The following LRRTM4 variants were observed in gnomAD, a reference collection of about 807,000 sequenced individuals.
The protein encoded by LRRTM4 is leucine rich repeat transmembrane neuronal 4.
LRRTM4 carries 25 observed loss-of-function variants against 47.6 expected under a neutral mutation model. That is an observed-to-expected ratio of 0.53 (90% CI 0.38 to 0.73). The LOEUF (loss-of-function observed/expected upper bound fraction) is 0.73, where lower values mean the gene tolerates loss of function less well. Ranked by LOEUF, LRRTM4 falls within the 30% of genes least tolerant of loss-of-function variation. The probability of loss-of-function intolerance (pLI) is 0.00; values close to 1 mark genes in which losing one functional copy is unlikely to be tolerated. For synonymous variants in LRRTM4, 311 were observed against 269.5 expected (o/e 1.15, Z -1.51); for missense variants, 638 against 713.4 (o/e 0.89, Z 1.20).
chr2:77,443,815 A>T (rs1283306806), intron 3 of LRRTM4, among the ~76,000 whole-genome samples: 3 of 152,170 alleles, frequency 2.0e-5, no homozygotes, highest in Non-Finnish European at 2.9e-5. Context: ...TTAGTTTCTA[A>T]GTTAAATGTT....
chr2:77,232,179 C>T (rs1031791115), intron 3 of LRRTM4, among the ~76,000 whole-genome samples: 22 of 152,296 alleles, frequency 1.4e-4, no homozygotes, highest in African/African-American at 5.3e-4. Context: ...GTCAAATCTA[C>T]TCTGCCTGTG....
chr2:77,302,276 A>G (rs528652527), intron 3 of LRRTM4, among the ~76,000 whole-genome samples: 1 of 152,374 alleles, frequency 6.6e-6, no homozygotes, highest in South Asian at 2.1e-4. Context: ...TCAGTGTGGC[A>G]TCCATGATAT....
At chr2:77,240,796 G>T (rs1285870180) in intron 3 of LRRTM4, among the ~76,000 whole-genome samples, 1 of 151,696 alleles carries the variant, frequency 6.6e-6, no homozygotes, top group Non-Finnish European at 1.5e-5. Context: ...TAATAAAATG[G>T]TACCATTTAA....
chr2:77,078,458 A>C (rs542670474), intron 3 of LRRTM4, among the ~76,000 whole-genome samples: 2 of 152,168 alleles, frequency 1.3e-5, no homozygotes, highest in Non-Finnish European at 2.9e-5. Context: ...GGAATTAGCG[A>C]TAAAGTGACA....
chr2:77,245,171 G>A (rs1675397464), intron 3 of LRRTM4, among the ~76,000 whole-genome samples: 1 of 151,548 alleles, frequency 6.6e-6, no homozygotes, highest in Non-Finnish European at 1.5e-5. Context: ...GTTCTAAGAA[G>A]GCAATAATCT....
At chr2:76,835,761 C>T (rs1344724547) in intron 3 of LRRTM4, among the ~76,000 whole-genome samples, 1 of 151,960 alleles carries the variant, frequency 6.6e-6, no homozygotes, top group East Asian at 1.9e-4. Flanking sequence ...GGAAGGTTAC[C>T]TCAGTGGACC....
intron 3 of LRRTM4, among the ~76,000 whole-genome samples, chr2:76,912,631 G>A (rs930633442): frequency 6.6e-6 from 1 of 152,174 alleles, no homozygotes; most frequent in African/African-American, 2.4e-5. Context: ...TTGGATCTGT[G>A]TCCTCACCCA....
intron 3 of LRRTM4, among the ~76,000 whole-genome samples, chr2:77,053,584 G>A (rs1370743337): frequency 6.6e-6 from 1 of 152,070 alleles, no homozygotes; most frequent in Non-Finnish European, 1.5e-5. Flanking sequence ...CAGCTTGCTA[G>A]TCTCCTAGTG....
chr2:76,988,029 TTA>T (rs1191376875), intron 3 of LRRTM4, among the ~76,000 whole-genome samples: 2 of 151,882 alleles, frequency 1.3e-5, no homozygotes, highest in Non-Finnish European at 2.9e-5. Flanking sequence ...AAAAGAATAT[TTA>T]GAGACTACAG....
At chr2:77,044,615 GA>G (rs1169692203) in intron 3 of LRRTM4, among the ~76,000 whole-genome samples, 3 of 150,802 alleles carry the variant, frequency 2.0e-5, no homozygotes, top group Non-Finnish European at 3.0e-5. Flanking sequence ...TAGTTTATTT[GA>G]TTTTTTTTGG....
intron 3 of LRRTM4, among the ~76,000 whole-genome samples, chr2:77,145,096 T>A (rs1291624910): frequency 6.6e-6 from 1 of 151,748 alleles, no homozygotes; most frequent in African/African-American, 2.4e-5. Context: ...ACAACATGAA[T>A]AGGAAGATAC....
At chr2:77,098,741 TACTC>T (rs1242643851) in intron 3 of LRRTM4, among the ~76,000 whole-genome samples, 1 of 151,954 alleles carries the variant, frequency 6.6e-6, no homozygotes, top group Non-Finnish European at 1.5e-5. Flanking sequence ...TAACACATAT[TACTC>T]ACAAAAGATT....
intron 3 of LRRTM4, among the ~76,000 whole-genome samples, chr2:76,780,292 A>G (rs2104153867): frequency 6.6e-6 from 1 of 152,152 alleles, no homozygotes; most frequent in Non-Finnish European, 1.5e-5. Context: ...TATTTCCTGA[A>G]TCTGAACATT....
chr2:76,913,241 A>T (rs1674132380), intron 3 of LRRTM4, among the ~76,000 whole-genome samples: 1 of 152,186 alleles, frequency 6.6e-6, no homozygotes. Flanking sequence ...TATATATTAG[A>T]AACACGAAAA....
At chr2:77,169,439 T>C (rs1672983904) in intron 3 of LRRTM4, among the ~76,000 whole-genome samples, 1 of 152,164 alleles carries the variant, frequency 6.6e-6, no homozygotes, top group Non-Finnish European at 1.5e-5. Context: ...CCTGCTATGG[T>C]TTGAATGTCC....
rs1465913112 is a variant in LRRTM4, at chr2:77,165,409, C to A, written c.1551+352909G>T. ...CAAAGAGGAGCTGGTGCCACTCCTTCTGAAACTATTCCAATCAGTAGAAAA... is the reference window on the plus strand; with the variant it reads ...CAAAGAGGAGCTGGTGCCACTCCTTATGAAACTATTCCAATCAGTAGAAAA... On this transcript the variant is annotated intron_variant, in intron 3 of 3. Coordinates refer to ENST00000409884, the MANE Select transcript of LRRTM4 (RefSeq NM_001134745.3). 2.0e-5 allele frequency among the ~76,000 whole-genome samples: 3 copies of A among 152,280 alleles called. No homozygotes were observed. In the East Asian group the frequency reaches 5.8e-4, roughly 29 times the overall value.
chr2:76,916,481 A>G (rs1198404152), intron 3 of LRRTM4, among the ~76,000 whole-genome samples: 1 of 151,960 alleles, frequency 6.6e-6, no homozygotes, highest in Non-Finnish European at 1.5e-5. Flanking sequence ...ATGCTTTTTA[A>G]GTTACATAAT....
chr2:76,937,480 T>C (rs1234498484), intron 3 of LRRTM4, among the ~76,000 whole-genome samples: 1 of 152,206 alleles, frequency 6.6e-6, no homozygotes, highest in Non-Finnish European at 1.5e-5. Flanking sequence ...TAAAACTTGA[T>C]TGAGCTAATG....
At chr2:76,824,208 C>T (rs780278945) in intron 3 of LRRTM4, among the ~76,000 whole-genome samples, 1 of 151,516 alleles carries the variant, frequency 6.6e-6, no homozygotes, top group Non-Finnish European at 1.5e-5. Flanking sequence ...TTAATATCTC[C>T]AATGGAAAGC....
Sources: gnomAD v4.1 joint callset for allele counts (sites outside exome capture counted in the v4.1 genomes callset) on GRCh38, gnomAD v4.1.1 for gene constraint, MANE v1.5 for transcripts, NCBI Gene and HGNC (gene_info 2026-07-23, HGNC 2026-07-21) for gene names.